The following LAMA3 variants were observed in gnomAD, a reference collection of about 807,000 sequenced individuals.
The protein encoded by LAMA3 is laminin subunit alpha 3.
A neutral mutation model predicts 402.0 loss-of-function variants in LAMA3; 281 were observed. The observed-to-expected ratio is 0.70, with a 90% CI of 0.63 to 0.77. The LOEUF is 0.77. LAMA3 is among the 30% of genes least tolerant of loss of function. LAMA3 has a pLI of 0.00. For missense variants in LAMA3, 3,840 were observed against 4,215.5 expected (o/e 0.91, Z 2.47); for synonymous variants, 1,431 against 1,558.4 (o/e 0.92, Z 1.93).
intron 9 of LAMA3, 105 bp downstream of exon 9, chr18:23,773,692 C>A (rs2062252246): frequency 4.0e-6 from 3 of 748,922 alleles, no homozygotes; most frequent in Non-Finnish European, 7.2e-6. Context: ...TGCCCTCTCT[C>A]TTCAGAGTAT....
chr18:23,913,337 T>C (rs973556449), intron 56 of LAMA3, among the ~76,000 whole-genome samples: 1 of 152,156 alleles, frequency 6.6e-6, no homozygotes, highest in African/African-American at 2.4e-5. Flanking sequence ...GGAGAGATTA[T>C]GGGTGAGGAC....
At chr18:23,915,665 T>G (rs568854470) in intron 59 of LAMA3, among the ~76,000 whole-genome samples, 1 of 152,162 alleles carries the variant, frequency 6.6e-6, no homozygotes, top group Non-Finnish European at 1.5e-5. Flanking sequence ...AAAGTCTTTA[T>G]GAAAATTTTT....
At chr18:23,880,693 A>G (rs931760989) in intron 39 of LAMA3, among the ~76,000 whole-genome samples, 4 of 152,336 alleles carry the variant, frequency 2.6e-5, no homozygotes, top group Non-Finnish European at 4.4e-5. Context: ...CCTGACCAAC[A>G]TGGTGAAACC....
intron 63 of LAMA3, 140 bp from the exon 64 acceptor site, chr18:23,928,485 C>A: frequency 1.1e-6 from 1 of 931,514 alleles, no homozygotes; most frequent in Non-Finnish European, 1.7e-6. Flanking sequence ...ACTTATTATG[C>A]AGAAAAGTAA....
intron 7 of LAMA3, 79 bp from the exon 8 acceptor site, chr18:23,763,326 G>A (rs1312219890): frequency 4.2e-6 from 4 of 950,966 alleles, no homozygotes; most frequent in East Asian, 2.4e-5. Context: ...AGCTCAATTA[G>A]CAGTAATACT....
intron 12 of LAMA3, among the ~76,000 whole-genome samples, chr18:23,791,721 CTG>C (rs1317344273): frequency 3.2e-5 from 4 of 126,822 alleles, no homozygotes; most frequent in Non-Finnish European, 6.3e-5. Flanking sequence ...ACATCACAGA[CTG>C]AGAATTTGTC....
chr18:23,904,202 C>A, intron 50 of LAMA3, 115 bp downstream of exon 50: 1 of 1,224,760 alleles, frequency 8.2e-7, no homozygotes. Context: ...GGGTGGAGGG[C>A]GGAGGGTGGG....
intron 12 of LAMA3, among the ~76,000 whole-genome samples, chr18:23,804,593 C>G (rs1462891443): frequency 6.6e-6 from 1 of 152,106 alleles, no homozygotes; most frequent in African/African-American, 2.4e-5. Flanking sequence ...ATCCCTGTGA[C>G]CTAAATTATG....
intron 34 of LAMA3, 139 bp downstream of exon 34, chr18:23,858,968 A>G (rs964885506): frequency 8.0e-6 from 7 of 875,358 alleles, no homozygotes; most frequent in Admixed American, 3.5e-5. Flanking sequence ...CTCGAATGCC[A>G]TGTGTTCAGA....
chr18:23,886,582 C>A (rs1210289522), intron 41 of LAMA3, among the ~76,000 whole-genome samples: 1 of 151,218 alleles, frequency 6.6e-6, no homozygotes, highest in Non-Finnish European at 1.5e-5. Flanking sequence ...TTCGAGGCTG[C>A]AGTGAGCTAT....
chr18:23,698,723 A>G (rs1050416901), intron 1 of LAMA3, among the ~76,000 whole-genome samples: 2 of 152,210 alleles, frequency 1.3e-5, no homozygotes, highest in African/African-American at 4.8e-5. Flanking sequence ...CTTGTGGGTA[A>G]TGTCCATTCA....
intron 23 of LAMA3, among the ~76,000 whole-genome samples, chr18:23,829,491 A>G (rs1053956310): frequency 6.6e-6 from 1 of 152,178 alleles, no homozygotes; most frequent in Non-Finnish European, 1.5e-5. Context: ...CAGGCATTAC[A>G]GTGTGCCTTC....
At chr18:23,802,783 T>G (rs954993021) in intron 12 of LAMA3, among the ~76,000 whole-genome samples, 1 of 152,224 alleles carries the variant, frequency 6.6e-6, no homozygotes, top group Non-Finnish European at 1.5e-5. Flanking sequence ...TCTTGATTCC[T>G]GAACTCGTGA....
At chr18:23,778,606 G>A (rs1486187438) in intron 11 of LAMA3, among the ~76,000 whole-genome samples, 1 of 152,178 alleles carries the variant, frequency 6.6e-6, no homozygotes, top group East Asian at 1.9e-4. Flanking sequence ...GTTCTCAGAA[G>A]GGCACGCCTG....
At chr18:23,738,834 G>A (rs936852946) in intron 2 of LAMA3, among the ~76,000 whole-genome samples, 2 of 152,212 alleles carry the variant, frequency 1.3e-5, no homozygotes, top group African/African-American at 4.8e-5. Context: ...CAGACTCTTG[G>A]AAGGAATCAT....
At chr18:23,946,902 G>T (rs1416478702) in intron 70 of LAMA3, 1 of 154,958 alleles carries the variant, frequency 6.5e-6, no homozygotes, top group African/African-American at 2.4e-5. Context: ...AATCAAGAGG[G>T]TGTTTAAGAC....
intron 36 of LAMA3, 21 bp downstream of exon 36, chr18:23,864,904 TAAGTGGCAGG>T: frequency 6.6e-7 from 1 of 1,520,192 alleles, no homozygotes; most frequent in Non-Finnish European, 9.1e-7. Flanking sequence ...GAGCATGACC[TAAGTGGCAGG>T]AAGTGGCAGT....
At chr18:23,767,146 A>G (rs1432725285) in intron 8 of LAMA3, among the ~76,000 whole-genome samples, 1 of 152,196 alleles carries the variant, frequency 6.6e-6, no homozygotes, top group Admixed American at 6.5e-5. Context: ...GCCCAAATCT[A>G]GGAATACATC....
At position 23,767,717 on chromosome 18, in the gene LAMA3, G is replaced by A. The variant is rs144314099; in HGVS notation, c.1182+4194G>A. On this transcript the variant is annotated intron_variant, in intron 8 of 74. Coordinates refer to ENST00000313654, the MANE Select transcript of LAMA3 (RefSeq NM_198129.4). ...GCCTCCCAAGTAGCTGGGACTACAG[G>A]TGTGTGCCATCATGCCTGGCTAATT... Among the ~76,000 whole-genome samples, 333 of 151,848 alleles carry A rather than the reference G, an allele frequency of 2.2e-3. 1 individual carries two copies. The highest frequency in any genetic ancestry group is 7.6e-3 in the African/African-American group (316 of 41,398).
Sources: gnomAD v4.1 joint callset for allele counts (sites outside exome capture counted in the v4.1 genomes callset) on GRCh38, gnomAD v4.1.1 for gene constraint, MANE v1.5 for transcripts, NCBI Gene and HGNC (gene_info 2026-07-23, HGNC 2026-07-21) for gene names.